Variants in ADAMTS12 observed in about 807,000 individuals in gnomAD.
The protein encoded by ADAMTS12 is A disintegrin and metalloproteinase with thrombospondin motifs 12.
ADAMTS12 carries 118 observed loss-of-function variants against 167.8 expected under a neutral mutation model. That is an observed-to-expected ratio of 0.70 (90% CI 0.61 to 0.82). The LOEUF is 0.82. Ranked by LOEUF, ADAMTS12 falls within the 40% of genes least tolerant of loss-of-function variation. ADAMTS12 has a pLI of 0.00. For synonymous variants in ADAMTS12, 704 were observed against 716.9 expected, an observed-to-expected ratio of 0.98 and a Z score of 0.29; for missense variants, 1,916 against 1,998.8, an observed-to-expected ratio of 0.96 and a Z score of 0.79.
intron 2 of ADAMTS12, among the ~76,000 whole-genome samples, chr5:33,866,468 A>G (rs1749826219): frequency 6.6e-6 from 1 of 152,174 alleles, no homozygotes; most frequent in African/African-American, 2.4e-5. Flanking sequence ...AAAGACTTAA[A>G]TTTAAGACCT....
intron 20 of ADAMTS12, among the ~76,000 whole-genome samples, chr5:33,553,298 A>C (rs1745339286): frequency 6.6e-6 from 1 of 152,214 alleles, no homozygotes. Context: ...ATTGTGAAAG[A>C]CAGTGTGGTG....
intron 2 of ADAMTS12, among the ~76,000 whole-genome samples, chr5:33,835,388 T>G (rs1232540694): frequency 6.6e-6 from 1 of 152,202 alleles, no homozygotes; most frequent in African/African-American, 2.4e-5. Context: ...ACTAACTTTG[T>G]AAAATTAATA....
At chr5:33,593,759 G>A (rs1747765285) in intron 17 of ADAMTS12, among the ~76,000 whole-genome samples, 1 of 152,112 alleles carries the variant, frequency 6.6e-6, no homozygotes, top group East Asian at 1.9e-4. Flanking sequence ...ATGATGGGTT[G>A]ATAGGTGCAG....
rs139112139 is a variant in ADAMTS12, at chr5:33,676,148, A to G, written c.915+6870T>C. On this transcript the variant is annotated intron_variant, in intron 5 of 23. Transcript: ENST00000504830. ...CATTTTGTATGTGAATTAACAGGAC[A>G]GGAAGCTGACCTAGAAGAAATCATA... Among the ~76,000 whole-genome samples the G allele has an allele frequency of 7.2e-5, 11 of 152,292 alleles. No individual in the cohort carries two copies. The Middle Eastern group carries it at 0.01, about 141-fold the overall frequency.
At position 33,576,269 on chromosome 5, in the gene ADAMTS12, C is replaced by T. The variant is rs1746709076; in HGVS notation, c.3757G>A (p.Gly1253Arg). 1 of 1,614,188 alleles carries T rather than the reference C, an allele frequency of 6.2e-7. No individual in the cohort carries two copies. Among genetic ancestry groups the T allele is most frequent in the East Asian group, 2.2e-5 (1 of 44,882 alleles). ...CCTGAGGGTTCTGGCTGGTGGTCTC[C>T]TCCCAGAGGGAGCAGAGTGTTGGCT... The part of the protein sequence containing the change: ...KPANTLLPLG[G>R]DHQPEPSGKT... The change falls in exon 19 of 24, where the codon GGA (glycine) becomes AGA (arginine). Residue 1253 changes from glycine to arginine, a missense_variant. Physicochemically the swap from Gly to Arg is moderately radical, Grantham distance 125 (BLOSUM62 -2). Transcript: ENST00000504830.
chr5:33,691,389 A>C (rs1439530777), intron 3 of ADAMTS12, among the ~76,000 whole-genome samples: 1 of 152,216 alleles, frequency 6.6e-6, no homozygotes, highest in Non-Finnish European at 1.5e-5. Flanking sequence ...GATTCAATGA[A>C]TACTAAAGTC....
In ADAMTS12 at chr5:33,566,407, T is replaced by A. The variant is rs187695317; in HGVS notation, c.3973-5228A>T. Among the ~76,000 whole-genome samples the A allele has an allele frequency of 2.0e-3, 300 of 152,276 alleles. 2 individuals are homozygous for A. The highest frequency in any genetic ancestry group is 7.0e-3 in the African/African-American group (290 of 41,562). Reference sequence around the variant, plus strand: ...TGAGCTCAGGAGTTCAGGATTGTGATGAGCTATCATCAAACCACTGCACTC... The same window carrying A: ...TGAGCTCAGGAGTTCAGGATTGTGAAGAGCTATCATCAAACCACTGCACTC... On this transcript the variant is annotated intron_variant, in intron 19 of 23. Transcript: ENST00000504830.
chr5:33,736,832 C>A (rs1249610295), intron 3 of ADAMTS12, among the ~76,000 whole-genome samples: 1 of 152,148 alleles, frequency 6.6e-6, no homozygotes, highest in Non-Finnish European at 1.5e-5. Context: ...TCTGAAGATT[C>A]CTAGAGAGTT....
chr5:33,843,303 C>T (rs1466806807), intron 2 of ADAMTS12, among the ~76,000 whole-genome samples: 1 of 152,142 alleles, frequency 6.6e-6, no homozygotes, highest in Admixed American at 6.5e-5. Flanking sequence ...AGGCACAGTG[C>T]TAGGTTCCTG....
At chr5:33,748,534 A>G (rs1274837552) in intron 3 of ADAMTS12, among the ~76,000 whole-genome samples, 6 of 152,218 alleles carry the variant, frequency 3.9e-5, no homozygotes, top group African/African-American at 1.4e-4. Flanking sequence ...GCACCTTTCT[A>G]TGTGGGAAAT....
At chr5:33,716,517 T>C (rs893767125) in intron 3 of ADAMTS12, among the ~76,000 whole-genome samples, 8 of 152,096 alleles carry the variant, frequency 5.3e-5, no homozygotes, top group Non-Finnish European at 1.2e-4. Flanking sequence ...TATTTTGGTG[T>C]TTCCCTCGCT....
At chr5:33,619,078 C>T (rs1383898395) in intron 14 of ADAMTS12, among the ~76,000 whole-genome samples, 3 of 152,148 alleles carry the variant, frequency 2.0e-5, no homozygotes, top group Admixed American at 2.0e-4. Flanking sequence ...GTGCTGAGTT[C>T]ATGGGTAGCC....
chr5:33,791,900 A>T (rs1746586152), intron 2 of ADAMTS12, among the ~76,000 whole-genome samples: 1 of 150,066 alleles, frequency 6.7e-6, no homozygotes, highest in South Asian at 2.1e-4. Flanking sequence ...GGCTGCATTG[A>T]CCCTAGTGAT....
At chr5:33,890,843 T>C (rs1216522303) in intron 1 of ADAMTS12, among the ~76,000 whole-genome samples, 7 of 152,100 alleles carry the variant, frequency 4.6e-5, no homozygotes, top group South Asian at 4.2e-4. Context: ...AGCTGCAGCA[T>C]CCTCATCTGT....
At chr5:33,711,433 C>T (rs1743400382) in intron 3 of ADAMTS12, among the ~76,000 whole-genome samples, 1 of 152,078 alleles carries the variant, frequency 6.6e-6, no homozygotes, top group East Asian at 1.9e-4. Flanking sequence ...CCATAAGTGG[C>T]TCAGGAAATT....
chr5:33,624,842 G>C (rs35643428), intron 13 of ADAMTS12, among the ~76,000 whole-genome samples: 22,578 of 152,150 alleles, frequency 0.15, 2,062 homozygotes, highest in African/African-American at 0.25. Context: ...TCCATGACCA[G>C]AAGGGAAAGC....
chr5:33,823,565 C>T (rs1035197310), intron 2 of ADAMTS12, among the ~76,000 whole-genome samples: 2 of 151,558 alleles, frequency 1.3e-5, no homozygotes, highest in Admixed American at 6.6e-5. Context: ...AGTGAGTAGA[C>T]GGGACTCACC....
chr5:33,882,491 C>T (rs894062696), intron 1 of ADAMTS12, among the ~76,000 whole-genome samples: 3 of 152,148 alleles, frequency 2.0e-5, no homozygotes, highest in African/African-American at 4.8e-5. Flanking sequence ...ACCACTACCT[C>T]CTTATTTTGA....
At chr5:33,555,772 TAA>T (rs1470924131) in intron 20 of ADAMTS12, among the ~76,000 whole-genome samples, 2 of 152,200 alleles carry the variant, frequency 1.3e-5, no homozygotes, top group African/African-American at 4.8e-5. Context: ...GTGGAAATTA[TAA>T]AGTCCTGTAT....
Sources: gnomAD v4.1 joint callset for allele counts (sites outside exome capture counted in the v4.1 genomes callset) on GRCh38, gnomAD v4.1.1 for gene constraint, MANE v1.5 for transcripts, NCBI Gene and HGNC (gene_info 2026-07-23, HGNC 2026-07-21) for gene names.